Variants in ANKRD2 observed in about 807,000 individuals in gnomAD.
The protein encoded by ANKRD2 is ankyrin repeat domain 2, also known as ankyrin repeat domain-containing protein 2.
In ANKRD2, 35 loss-of-function variants were observed where a neutral mutation model predicts 37.3. That is an observed-to-expected ratio of 0.94 (90% CI 0.72 to 1.24). ANKRD2 has a LOEUF of 1.24. Among genes scored for constraint, ANKRD2 ranks in the 50% most tolerant of loss-of-function variants. The probability of loss-of-function intolerance (pLI) is 0.00; values close to 1 mark genes in which losing one functional copy is unlikely to be tolerated. For missense variants in ANKRD2, 410 were observed against 445.6 expected (o/e 0.92, Z 0.72); for synonymous variants, 159 against 186.5 (o/e 0.85, Z 1.20).
intron 1 of ANKRD2, among the ~76,000 whole-genome samples, chr10:97,574,731 A>C (rs911585531): frequency 6.6e-6 from 1 of 152,208 alleles, no homozygotes; most frequent in South Asian, 2.1e-4. Context: ...CAAGACCCCA[A>C]GGGAAGAAGG....
chr10:97,578,151 C>A, intron 2 of ANKRD2, 89 bp from the exon 3 acceptor site: 1 of 959,984 alleles, frequency 1.0e-6, no homozygotes. Flanking sequence ...CCTGCCCACC[C>A]CACCCTCCCC....
rs747530603 is a variant in ANKRD2, at chr10:97,581,361, G to C, written c.601G>C (p.Glu201Gln). The C allele has an allele frequency of 1.8e-5, 29 of 1,614,196 alleles. 2 individuals carry two copies. The South Asian group carries it at 3.2e-4, about 18-fold the overall frequency. The change falls in exon 6 of 9, where the codon GAG becomes CAG. Residue 201 changes from glutamate to glutamine, a missense_variant. Physicochemically the swap from Glu to Gln is conservative, Grantham distance 29. Transcript: ENST00000370655. ...MHWACRGGHL[E>Q]VVKLLQSHGA... ...TTGGGCCTGCCGCGGGGGCCACTTAGAGGTGGTGAAACTTCTGCAAAGCCA... is the reference window on the plus strand; with the variant it reads ...TTGGGCCTGCCGCGGGGGCCACTTACAGGTGGTGAAACTTCTGCAAAGCCA...
intron 8 of ANKRD2, 103 bp downstream of exon 8, chr10:97,582,805 T>C (rs1015423451): frequency 1.5e-5 from 15 of 1,024,284 alleles, no homozygotes; most frequent in South Asian, 6.7e-5. Flanking sequence ...ACATGTATCA[T>C]TGGCTCTGGC....
chr10:97,572,750 T>C, upstream of ANKRD2: 2 of 1,604,574 alleles, frequency 1.2e-6, no homozygotes, highest in Middle Eastern at 1.9e-4. Flanking sequence ...TGCTCTGGCC[T>C]ATAAAGCCCC....
intron 5 of ANKRD2, 65 bp from the exon 6 acceptor site, chr10:97,581,251 G>T (rs2040894193): frequency 6.6e-7 from 1 of 1,519,146 alleles, no homozygotes; most frequent in East Asian, 2.3e-5. Context: ...CCTGGCTGGG[G>T]TACATTACCC....
chr10:97,573,005 CTCATT>C, intron 1 of ANKRD2, 130 bp downstream of exon 1: 2 of 1,235,640 alleles, frequency 1.6e-6, no homozygotes, highest in Non-Finnish European at 2.2e-6. Flanking sequence ...CCAGTTGGGC[CTCATT>C]CCTGTCCCAG....
rs111984454 is a variant in ANKRD2, at chr10:97,578,640, G to C, written c.456+35G>C. ...CTAGCCGCCCCTGACCAGCCTCCCT[G>C]TCAGTTGCCACCCCCACTCCGTTCG... On this transcript the variant is annotated intron_variant, in intron 4 of 8. Coordinates refer to ENST00000370655, the MANE Select transcript of ANKRD2 (RefSeq NM_001346793.2). 1.0e-4 allele frequency: 149 copies of C among 1,486,994 alleles called. 4 individuals carry two copies. The African/African-American group carries it at 1.3e-3, about 13-fold the overall frequency. The allele number at this position is 1,486,994 out of a possible 1,614,324, so 92.1% of individuals were successfully genotyped here.
At chr10:97,582,763 G>A (rs769614653) in intron 8 of ANKRD2, 61 bp downstream of exon 8, 2 of 1,514,936 alleles carry the variant, frequency 1.3e-6, no homozygotes, top group Non-Finnish European at 1.8e-6. Flanking sequence ...TGGAGGTGCT[G>A]TCCTGGTCCC....
At chr10:97,574,834 G>A (rs939461167) in intron 1 of ANKRD2, among the ~76,000 whole-genome samples, 4 of 152,232 alleles carry the variant, frequency 2.6e-5, no homozygotes, top group Admixed American at 6.5e-5. Context: ...CCAAGGGCAT[G>A]TGCCTATGGT....
At position 97,583,637 on chromosome 10, in the gene ANKRD2, A is replaced by G. The variant is rs2040932851; in HGVS notation, c.914A>G (p.Glu305Gly). The G allele has an allele frequency of 1.9e-6, 3 of 1,606,338 alleles. No homozygotes were observed. The highest frequency in any genetic ancestry group is 2.5e-6 in the Non-Finnish European group (3 of 1,176,954). Residue 305 changes from glutamate to glycine, a missense_variant, in exon 9 of 9, where the codon GAG (glutamate) becomes GGG (glycine). Coordinates refer to ENST00000370655, the MANE Select transcript of ANKRD2 (RefSeq NM_001346793.2). ...LWQADTRHAL[E>G]HPEPGAEHNG... ...CAGGCTGATACCCGGCACGCCCTGG[A>G]GCATCCTGAGCCGGGGGCTGAGCAT...
At position 97,582,917 on chromosome 10, in the gene ANKRD2, C is replaced by T. The variant is rs61635154; in HGVS notation, c.852+215C>T. On this transcript the variant is annotated intron_variant, in intron 8 of 8. Transcript: ENST00000370655. ...TGTCCAGAGTGCAAGTGCAGAGAGA[C>T]AGCAGGAGGGGCAGCAAGAGGACTT... Among the ~76,000 whole-genome samples the T allele has an allele frequency of 3.8e-3, 575 of 152,314 alleles. 7 individuals carry two copies. The highest frequency in any genetic ancestry group is 0.013 in the African/African-American group (542 of 41,568).
intron 4 of ANKRD2, among the ~76,000 whole-genome samples, chr10:97,579,693 T>C (rs1282045014): frequency 6.6e-6 from 1 of 152,078 alleles, no homozygotes; most frequent in Non-Finnish European, 1.5e-5. Context: ...GTTCAAGTGA[T>C]TCTCCTGCCT....
chr10:97,574,102 A>G (rs1399227750), intron 1 of ANKRD2, among the ~76,000 whole-genome samples: 2 of 152,104 alleles, frequency 1.3e-5, no homozygotes, highest in Non-Finnish European at 2.9e-5. Flanking sequence ...CCTGGCCAAC[A>G]TGGTGAAATC....
intron 1 of ANKRD2, among the ~76,000 whole-genome samples, chr10:97,576,500 T>C (rs577652648): frequency 1.1e-4 from 16 of 151,914 alleles, no homozygotes; most frequent in Non-Finnish European, 1.8e-4. Flanking sequence ...CTGAAAGCAA[T>C]AGTTTCCAAG....
At chr10:97,578,144 G>GGGCCCCCCCCCCCCCCCCCCCCCCCC in intron 2 of ANKRD2, 96 bp from the exon 3 acceptor site, 2 of 685,442 alleles carry the variant, frequency 2.9e-6, no homozygotes, top group Non-Finnish European at 5.0e-6. Flanking sequence ...GGGTCTTCCT[G>GGGCCCCCCCCCCCCCCCCCCCCCCCC]CCCACCCCAC....
chr10:97,580,054 G>A (rs954724363), intron 4 of ANKRD2, among the ~76,000 whole-genome samples: 1 of 152,270 alleles, frequency 6.6e-6, no homozygotes, highest in African/African-American at 2.4e-5. Flanking sequence ...CATTATTGTA[G>A]ACTTGGACCA....
At chr10:97,574,719 G>T (rs1348892097) in intron 1 of ANKRD2, among the ~76,000 whole-genome samples, 1 of 152,124 alleles carries the variant, frequency 6.6e-6, no homozygotes, top group Non-Finnish European at 1.5e-5. Context: ...GGAAGGAAGG[G>T]TCAAGACCCC....
At chr10:97,582,854 C>A in intron 8 of ANKRD2, 152 bp downstream of exon 8, 1 of 669,352 alleles carries the variant, frequency 1.5e-6, no homozygotes, top group Non-Finnish European at 2.6e-6. Flanking sequence ...TTCCAGAGCA[C>A]CATTCCAACT....
At chr10:97,577,305 A>G (rs764666735) in intron 1 of ANKRD2, among the ~76,000 whole-genome samples, 24 of 151,986 alleles carry the variant, frequency 1.6e-4, no homozygotes, top group African/African-American at 4.8e-5. Flanking sequence ...TGCCTGGCCT[A>G]TTTATTTTTA....
Sources: allele counts gnomAD v4.1 joint callset (sites outside exome capture counted in the v4.1 genomes callset), GRCh38; gene constraint gnomAD v4.1.1; transcripts MANE v1.5; gene names NCBI Gene and HGNC (gene_info 2026-07-23, HGNC 2026-07-21).